Variants in STPG2 observed in about 807,000 individuals in gnomAD.
The protein encoded by STPG2 is sperm-tail PG-rich repeat-containing protein 2.
In STPG2, 56 loss-of-function variants were observed where a neutral mutation model predicts 54.2. The ratio of observed to expected loss-of-function variants is 1.03; its 90% confidence interval spans 0.83 to 1.29. The LOEUF (loss-of-function observed/expected upper bound fraction) is 1.29. Among genes scored for constraint, STPG2 ranks in the 50% most tolerant of loss-of-function variants. STPG2 has a pLI of 0.00. For missense variants in STPG2, 596 were observed against 544.9 expected (o/e 1.09, Z -0.93); for synonymous variants, 200 against 181.8 (o/e 1.10, Z -0.81).
chr4:97,876,579 G>T (rs960965696), intron 8 of STPG2, among the ~76,000 whole-genome samples: 6 of 151,726 alleles, frequency 4.0e-5, no homozygotes, highest in Non-Finnish European at 5.9e-5. Flanking sequence ...TAGAGTTTAG[G>T]GAACTGCTTT....
At chr4:98,107,634 C>T (rs1475680142) in intron 4 of STPG2, among the ~76,000 whole-genome samples, 1 of 151,984 alleles carries the variant, frequency 6.6e-6, no homozygotes, top group Admixed American at 6.6e-5. Flanking sequence ...CTTACAGTCC[C>T]GGGTATGCCT....
intron 8 of STPG2, among the ~76,000 whole-genome samples, chr4:97,926,504 C>T (rs1361901540): frequency 6.6e-6 from 1 of 152,132 alleles, no homozygotes; most frequent in Non-Finnish European, 1.5e-5. Flanking sequence ...CATGCTCCAC[C>T]TATCCTGCTG....
intron 6 of STPG2, among the ~76,000 whole-genome samples, chr4:97,972,999 C>T (rs184374547): frequency 3.0e-4 from 45 of 152,230 alleles, no homozygotes; most frequent in African/African-American, 1.0e-3. Context: ...TACAGTAAAT[C>T]GGTACCAGTA....
chr4:97,718,271 T>C (rs1724351606), intron 9 of STPG2, among the ~76,000 whole-genome samples: 1 of 152,078 alleles, frequency 6.6e-6, no homozygotes, highest in Admixed American at 6.5e-5. Flanking sequence ...TTAAATAAAC[T>C]AAATTCTTCA....
At chr4:97,672,219 G>C (rs1391441647) in intron 10 of STPG2, among the ~76,000 whole-genome samples, 1 of 136,508 alleles carries the variant, frequency 7.3e-6, no homozygotes, top group Non-Finnish European at 1.5e-5. Flanking sequence ...TGTTGCCCCG[G>C]CTGGAGTGCA....
chr4:97,977,033 A>G (rs1734521517), intron 6 of STPG2, among the ~76,000 whole-genome samples: 1 of 152,166 alleles, frequency 6.6e-6, no homozygotes, highest in South Asian at 2.1e-4. Flanking sequence ...GAATCACATG[A>G]CAGGCAGCTG....
chr4:98,058,406 C>T (rs1301095108), intron 5 of STPG2, among the ~76,000 whole-genome samples: 1 of 152,096 alleles, frequency 6.6e-6, no homozygotes, highest in Non-Finnish European at 1.5e-5. Context: ...GCAGGGGTTG[C>T]AATCCTAATT....
intron 9 of STPG2, among the ~76,000 whole-genome samples, chr4:97,749,267 C>T (rs1055197043): frequency 6.6e-6 from 1 of 151,660 alleles, no homozygotes; most frequent in African/African-American, 2.4e-5. Context: ...AAGAGGCAAG[C>T]GCCTTCACCC....
chr4:97,849,690 T>C (rs1021864515), intron 8 of STPG2, among the ~76,000 whole-genome samples: 1 of 151,950 alleles, frequency 6.6e-6, no homozygotes, highest in South Asian at 2.1e-4. Flanking sequence ...TCACTGGCCA[T>C]CAGAGAAATG....
At chr4:97,698,664 G>A (rs1723665414) in intron 10 of STPG2, among the ~76,000 whole-genome samples, 1 of 152,124 alleles carries the variant, frequency 6.6e-6, no homozygotes, top group African/African-American at 2.4e-5. Flanking sequence ...GTGAATCCTG[G>A]CTATGGGAGA....
chr4:97,873,657 C>A (rs1730070826), intron 8 of STPG2, among the ~76,000 whole-genome samples: 1 of 151,418 alleles, frequency 6.6e-6, no homozygotes, highest in Non-Finnish European at 1.5e-5. Context: ...TCAAAAGTAT[C>A]CTAGTACTAA....
chr4:98,020,966 C>G (rs1251311213), intron 5 of STPG2, among the ~76,000 whole-genome samples: 2 of 152,230 alleles, frequency 1.3e-5, no homozygotes, highest in African/African-American at 4.8e-5. Flanking sequence ...TTTCAAAAAA[C>G]CAGCTCCTGG....
chr4:97,903,908 G>A (rs537961356), intron 8 of STPG2, among the ~76,000 whole-genome samples: 32 of 152,274 alleles, frequency 2.1e-4, no homozygotes, highest in Non-Finnish European at 4.1e-4. Context: ...AAAAAATGGC[G>A]CACCACGAGA....
chr4:97,979,638 A>G (rs909817395), intron 6 of STPG2, among the ~76,000 whole-genome samples: 1 of 152,044 alleles, frequency 6.6e-6, no homozygotes, highest in Non-Finnish European at 1.5e-5. Context: ...TGTAATCCCA[A>G]TACTTTGAGA....
chr4:97,579,451 C>T (rs956448009), intron 10 of STPG2, among the ~76,000 whole-genome samples: 6 of 151,808 alleles, frequency 4.0e-5, no homozygotes, highest in Non-Finnish European at 7.4e-5. Flanking sequence ...GAATAAAATA[C>T]TTATCTTGTT....
At chr4:97,890,764 A>G (rs1213953111) in intron 8 of STPG2, among the ~76,000 whole-genome samples, 1 of 152,020 alleles carries the variant, frequency 6.6e-6, no homozygotes, top group African/African-American at 2.4e-5. Context: ...ATTATACACT[A>G]TATAAAGGTA....
At chr4:97,812,021 G>A (rs944690426) in intron 9 of STPG2, among the ~76,000 whole-genome samples, 3 of 151,878 alleles carry the variant, frequency 2.0e-5, no homozygotes, top group Non-Finnish European at 4.4e-5. Flanking sequence ...CCTTTTTAGC[G>A]ACTGACAAAT....
chr4:97,894,565 A>T (rs1211915904), intron 8 of STPG2, among the ~76,000 whole-genome samples: 1 of 151,762 alleles, frequency 6.6e-6, no homozygotes, highest in African/African-American at 2.4e-5. Flanking sequence ...TCCTCAGTTC[A>T]TTTATCTCAG....
chr4:98,076,870 A>G (rs1359388185), intron 5 of STPG2, among the ~76,000 whole-genome samples: 1 of 152,192 alleles, frequency 6.6e-6, no homozygotes, highest in Non-Finnish European at 1.5e-5. Context: ...CTACAACTTT[A>G]TAACAAATAC....
Sources: allele counts gnomAD v4.1 joint callset (sites outside exome capture counted in the v4.1 genomes callset), GRCh38; gene constraint gnomAD v4.1.1; transcripts MANE v1.5; gene names NCBI Gene and HGNC (gene_info 2026-07-23, HGNC 2026-07-21).